SLC25A12: variants seen among roughly 807,000 people sequenced by gnomAD.
SLC25A12 encodes electrogenic aspartate/glutamate antiporter SLC25A12, mitochondrial.
A neutral mutation model predicts 83.3 loss-of-function variants in SLC25A12; 32 were observed. The ratio of observed to expected loss-of-function variants is 0.38; its 90% CI spans 0.29 to 0.52. The LOEUF is 0.52. Among genes scored for constraint, SLC25A12 ranks in the 20% least tolerant of loss-of-function variants. The pLI, the probability that SLC25A12 is intolerant of heterozygous loss-of-function variation, is 0.84. For missense variants in SLC25A12, 611 were observed against 835.6 expected, an observed-to-expected ratio of 0.73 and a Z score of 3.31; for synonymous variants, 267 against 291.1, an observed-to-expected ratio of 0.92 and a Z score of 0.84.
At chr2:171,867,357 G>GT (rs1558938010) in intron 3 of SLC25A12, among the ~76,000 whole-genome samples, 1 of 152,052 alleles carries the variant, frequency 6.6e-6, no homozygotes, top group Non-Finnish European at 1.5e-5. Context: ...AGCACTGAGT[G>GT]AACCAGACTC....
At chr2:171,824,873 C>T (rs1029116377) in intron 9 of SLC25A12, among the ~76,000 whole-genome samples, 5 of 151,794 alleles carry the variant, frequency 3.3e-5, no homozygotes, top group African/African-American at 1.2e-4. Context: ...AGCACAGTCA[C>T]GCTCACTGCA....
At chr2:171,855,348 T>C (rs1685024795) in intron 4 of SLC25A12, among the ~76,000 whole-genome samples, 2 of 144,070 alleles carry the variant, frequency 1.4e-5, no homozygotes, top group South Asian at 4.6e-4. Context: ...TTCCTAAAAC[T>C]GAAATCTAAA....
chr2:171,877,198 G>A (rs1685590792), intron 2 of SLC25A12, among the ~76,000 whole-genome samples: 1 of 152,110 alleles, frequency 6.6e-6, no homozygotes, highest in Admixed American at 6.6e-5. Context: ...ATACAGATGT[G>A]TATCATAATT....
intron 13 of SLC25A12, among the ~76,000 whole-genome samples, chr2:171,796,342 A>G (rs1683597168): frequency 6.6e-6 from 1 of 152,256 alleles, no homozygotes; most frequent in South Asian, 2.1e-4. Context: ...CGCACAGGAC[A>G]TAACCACAAA....
chr2:171,837,636 T>C (rs1684585993), intron 5 of SLC25A12, among the ~76,000 whole-genome samples: 1 of 152,230 alleles, frequency 6.6e-6, no homozygotes. Context: ...CTTGAAGGCT[T>C]ACCTGTCATC....
Position 171,839,042 on chromosome 2 carries a change from T to C in SLC25A12, c.466-1775A>G, listed in dbSNP as rs868220665. Reference sequence around the variant, plus strand: ...GCGGCTCTCAGTTTATACAGTATAATTAAAACATCAGGGTACAATAGATAT... The same window carrying C: ...GCGGCTCTCAGTTTATACAGTATAACTAAAACATCAGGGTACAATAGATAT... On this transcript the variant is annotated intron_variant, in intron 5 of 17. Transcript: ENST00000422440. Among the ~76,000 whole-genome samples the C allele has an allele frequency of 1.1e-4, 16 of 152,260 alleles. No homozygotes were observed. In the Middle Eastern group the frequency reaches 0.024, roughly 227 times the overall value.
At chr2:171,798,231 C>T (rs978921393) in intron 13 of SLC25A12, among the ~76,000 whole-genome samples, 4 of 152,042 alleles carry the variant, frequency 2.6e-5, no homozygotes, top group East Asian at 3.9e-4. Context: ...CAAAAGTTAG[C>T]GGGGAAAAGG....
At chr2:171,854,274 ACT>A (rs1442343777) in intron 4 of SLC25A12, among the ~76,000 whole-genome samples, 1 of 152,048 alleles carries the variant, frequency 6.6e-6, no homozygotes, top group East Asian at 1.9e-4. Flanking sequence ...AATCTAAATA[ACT>A]CTGCATAGCA....
intron 9 of SLC25A12, among the ~76,000 whole-genome samples, chr2:171,822,812 A>T (rs1684221428): frequency 2.6e-5 from 4 of 152,210 alleles, no homozygotes; most frequent in African/African-American, 9.6e-5. Flanking sequence ...CATCATAAAC[A>T]AGTGTTTTCA....
intron 5 of SLC25A12, among the ~76,000 whole-genome samples, chr2:171,839,163 C>T (rs1004624076): frequency 1.3e-5 from 2 of 152,016 alleles, no homozygotes; most frequent in African/African-American, 4.8e-5. Context: ...CAGACATTTC[C>T]TTTTTTAAAA....
intron 17 of SLC25A12, among the ~76,000 whole-genome samples, chr2:171,785,896 G>A (rs914173786): frequency 2.6e-5 from 4 of 151,996 alleles, no homozygotes; most frequent in Non-Finnish European, 5.9e-5. Flanking sequence ...TGGCCTCCCA[G>A]AGCACTGGGA....
intron 13 of SLC25A12, among the ~76,000 whole-genome samples, chr2:171,805,909 G>A (rs1209014091): frequency 6.6e-6 from 1 of 152,106 alleles, no homozygotes; most frequent in African/African-American, 2.4e-5. Flanking sequence ...AGGAATTCGA[G>A]ACCAGCCTGG....
At chr2:171,855,300 C>T (rs952986726) in intron 4 of SLC25A12, among the ~76,000 whole-genome samples, 3 of 152,180 alleles carry the variant, frequency 2.0e-5, no homozygotes, top group Admixed American at 1.3e-4. Flanking sequence ...TAAATTTCTA[C>T]ATTCATGTCA....
chr2:171,876,495 T>C (rs2105924189), intron 2 of SLC25A12, among the ~76,000 whole-genome samples: 1 of 138,978 alleles, frequency 7.2e-6, no homozygotes, highest in African/African-American at 2.7e-5. Context: ...AGCTGGTACC[T>C]CAAAAATTGG....
At chr2:171,804,996 G>A (rs931723153) in intron 13 of SLC25A12, among the ~76,000 whole-genome samples, 4 of 152,192 alleles carry the variant, frequency 2.6e-5, no homozygotes, top group African/African-American at 9.6e-5. Flanking sequence ...TGATTGTGGT[G>A]ATGGTTTCAC....
At chr2:171,853,469 AGTTT>A (rs1208040948) in intron 4 of SLC25A12, among the ~76,000 whole-genome samples, 1 of 152,080 alleles carries the variant, frequency 6.6e-6, no homozygotes, top group African/African-American at 2.4e-5. Flanking sequence ...TGAGGTCAGG[AGTTT>A]GAGACTGGCC....
At chr2:171,864,814 A>T (rs953818529) in intron 3 of SLC25A12, among the ~76,000 whole-genome samples, 1 of 152,174 alleles carries the variant, frequency 6.6e-6, no homozygotes, top group African/African-American at 2.4e-5. Context: ...TAGCTATGAC[A>T]GCACCTCATT....
At chr2:171,842,090 G>A (rs547101050) in intron 5 of SLC25A12, among the ~76,000 whole-genome samples, 27 of 152,198 alleles carry the variant, frequency 1.8e-4, no homozygotes, top group Middle Eastern at 6.8e-3. Flanking sequence ...GTTCATAGCA[G>A]CACTATTCAC....
chr2:171,809,127 C>T (rs143830220), intron 13 of SLC25A12, among the ~76,000 whole-genome samples: 5,117 of 152,232 alleles, frequency 0.034, 113 homozygotes, highest in Non-Finnish European at 0.05. Context: ...GGGTTGGTTC[C>T]AAGTCTTTGC....
Sources: gnomAD v4.1 joint callset for allele counts (sites outside exome capture counted in the v4.1 genomes callset) on GRCh38, gnomAD v4.1.1 for gene constraint, MANE v1.5 for transcripts, NCBI Gene and HGNC (gene_info 2026-07-23, HGNC 2026-07-21) for gene names.